Variants in LRP1B observed in about 807,000 individuals in gnomAD.
LRP1B encodes low-density lipoprotein receptor-related protein 1B.
Under a neutral mutation model 556.6 loss-of-function variants are expected in LRP1B, and 217 were observed. That is an observed-to-expected ratio of 0.39 (90% confidence interval 0.35 to 0.44). The LOEUF is 0.44. Among genes scored for constraint, LRP1B ranks in the 20% least tolerant of loss-of-function variants. The pLI, the probability that LRP1B is intolerant of heterozygous loss-of-function variation, is 1.00. For missense variants in LRP1B, 5,053 were observed against 5,620.8 expected (o/e 0.90, Z 3.23); for synonymous variants, 2,047 against 1,865.8 (o/e 1.10, Z -2.50).
chr2:140,327,939 C>A (rs1435286481), intron 79 of LRP1B, among the ~76,000 whole-genome samples: 2 of 151,212 alleles, frequency 1.3e-5, no homozygotes, highest in Non-Finnish European at 3.0e-5. Context: ...ATCCACAAAT[C>A]AATACTTTTG....
At chr2:142,073,452 C>A (rs2104915894) in intron 1 of LRP1B, among the ~76,000 whole-genome samples, 1 of 152,064 alleles carries the variant, frequency 6.6e-6, no homozygotes, top group South Asian at 2.1e-4. Flanking sequence ...AGTTCAAAAC[C>A]AGATACTTCA....
chr2:141,392,482 G>A (rs74571656), intron 3 of LRP1B, among the ~76,000 whole-genome samples: 913 of 35,134 alleles, frequency 0.026, 8 homozygotes, highest in African/African-American at 0.087. Context: ...AAAAAAAAAA[G>A]AGAGACTGTC....
chr2:141,097,679 A>C (rs1350209098), intron 7 of LRP1B, among the ~76,000 whole-genome samples: 1 of 152,174 alleles, frequency 6.6e-6, no homozygotes, highest in Non-Finnish European at 1.5e-5. Context: ...TTTTTCCTCC[A>C]TTCACATAAT....
At chr2:141,310,299 T>C (rs973692944) in intron 3 of LRP1B, among the ~76,000 whole-genome samples, 2 of 152,186 alleles carry the variant, frequency 1.3e-5, no homozygotes, top group Non-Finnish European at 2.9e-5. Flanking sequence ...TTGGTTTAAG[T>C]AGAGTTTTAT....
intron 25 of LRP1B, among the ~76,000 whole-genome samples, chr2:140,871,589 A>G (rs1330088555): frequency 6.6e-6 from 1 of 152,122 alleles, no homozygotes; most frequent in Admixed American, 6.6e-5. Flanking sequence ...CTTTCAAACA[A>G]TTGGTTTCTA....
chr2:140,867,260 G>C (rs1233394779), intron 27 of LRP1B, among the ~76,000 whole-genome samples: 1 of 151,904 alleles, frequency 6.6e-6, no homozygotes, highest in Non-Finnish European at 1.5e-5. Flanking sequence ...TCAGGCAAAT[G>C]GTTCACCCTT....
intron 53 of LRP1B, 115 bp from the exon 54 acceptor site, chr2:140,503,218 A>T: frequency 3.4e-6 from 3 of 883,302 alleles, no homozygotes; most frequent in Non-Finnish European, 5.1e-6. Flanking sequence ...CTCCCATGAG[A>T]AATATTTCTC....
At chr2:141,599,348 C>A (rs1176991108) in intron 2 of LRP1B, among the ~76,000 whole-genome samples, 1 of 152,026 alleles carries the variant, frequency 6.6e-6, no homozygotes, top group Non-Finnish European at 1.5e-5. Flanking sequence ...TATATAGCTT[C>A]TTTTGCTTCA....
intron 1 of LRP1B, among the ~76,000 whole-genome samples, chr2:141,962,959 TC>T (rs1184421340): frequency 6.6e-6 from 1 of 151,886 alleles, no homozygotes; most frequent in Non-Finnish European, 1.5e-5. Flanking sequence ...GTAGTCATTT[TC>T]CAACAAGTCA....
chr2:140,625,739 C>A (rs1683633851), intron 41 of LRP1B, among the ~76,000 whole-genome samples: 1 of 152,220 alleles, frequency 6.6e-6, no homozygotes, highest in East Asian at 1.9e-4. Context: ...GCTGATGGGG[C>A]TATAGAGCAA....
At chr2:142,048,060 T>A (rs1376222339) in intron 1 of LRP1B, among the ~76,000 whole-genome samples, 2 of 105,484 alleles carry the variant, frequency 1.9e-5, no homozygotes, top group African/African-American at 5.8e-5. Context: ...TGTGCCACTA[T>A]TCTACTATAT....
intron 18 of LRP1B, among the ~76,000 whole-genome samples, chr2:140,976,664 C>T (rs189808501): frequency 1.2e-3 from 187 of 151,730 alleles, no homozygotes; most frequent in Non-Finnish European, 1.8e-3. Context: ...TGCATTACCA[C>T]GCCCCACTAA....
intron 2 of LRP1B, among the ~76,000 whole-genome samples, chr2:141,488,965 G>GGT (rs1553520669): frequency 9.0e-6 from 1 of 110,964 alleles, no homozygotes; most frequent in East Asian, 2.4e-4. Flanking sequence ...ACATGGGTTT[G>GGT]TTTTTTTTTG....
At chr2:140,415,685 G>A (rs1164851661) in intron 66 of LRP1B, among the ~76,000 whole-genome samples, 1 of 152,152 alleles carries the variant, frequency 6.6e-6, no homozygotes, top group Non-Finnish European at 1.5e-5. Flanking sequence ...TAGTTTCTCT[G>A]CCTTTTTCTT....
intron 31 of LRP1B, among the ~76,000 whole-genome samples, chr2:140,816,428 T>C (rs2105043796): frequency 6.6e-6 from 1 of 152,302 alleles, no homozygotes; most frequent in African/African-American, 2.4e-5. Flanking sequence ...AACTGAATTT[T>C]TTAATGTACT....
chr2:141,192,845 C>G (rs942990849), intron 6 of LRP1B, among the ~76,000 whole-genome samples: 1 of 151,834 alleles, frequency 6.6e-6, no homozygotes, highest in Admixed American at 6.6e-5. Context: ...TATATAAATA[C>G]AAGCAACTAT....
chr2:141,587,264 T>A (rs1289739087), intron 2 of LRP1B, among the ~76,000 whole-genome samples: 1 of 152,114 alleles, frequency 6.6e-6, no homozygotes, highest in East Asian at 1.9e-4. Context: ...GAATTTAAAT[T>A]GTGCTAATAA....
At chr2:140,905,963 A>G (rs1021173346) in intron 22 of LRP1B, among the ~76,000 whole-genome samples, 2 of 152,136 alleles carry the variant, frequency 1.3e-5, no homozygotes, top group East Asian at 1.9e-4. Context: ...CTAAAAAAAA[A>G]TCTCTTCACT....
At chr2:141,722,185 C>T (rs1318763495) in intron 2 of LRP1B, among the ~76,000 whole-genome samples, 3 of 152,118 alleles carry the variant, frequency 2.0e-5, no homozygotes, top group Non-Finnish European at 2.9e-5. Flanking sequence ...CGAGGCCAAC[C>T]TGGCCAACAT....
Sources: gnomAD v4.1 joint callset for allele counts (sites outside exome capture counted in the v4.1 genomes callset) on GRCh38, gnomAD v4.1.1 for gene constraint, MANE v1.5 for transcripts, NCBI Gene and HGNC (gene_info 2026-07-23, HGNC 2026-07-21) for gene names.